Variants in FLACC1 observed in about 807,000 individuals in gnomAD.
FLACC1 encodes flagellum associated containing coiled-coil domains 1, also known as flagellum-associated coiled-coil domain-containing protein 1.
A neutral mutation model predicts 62.8 loss-of-function variants in FLACC1; 66 were observed. The ratio of observed to expected loss-of-function variants is 1.05; its 90% CI spans 0.86 to 1.29. The LOEUF is 1.29. FLACC1 is among the 50% of genes most tolerant of loss of function. The pLI is 0.00. For missense variants in FLACC1, 452 were observed against 489.1 expected (o/e 0.92, Z 0.71); for synonymous variants, 156 against 161.0 (o/e 0.97, Z 0.24).
chr2:201,346,592 A>G lies in FLACC1; in HGVS notation c.318T>C (p.Asp106=), dbSNP rs1335499325. Residue 106 remains aspartate (D), a synonymous_variant, in exon 5 of 15, where the codon GAT becomes GAC. Coordinates refer to ENST00000392257, the MANE Select transcript of FLACC1 (RefSeq NM_001127391.3). The surrounding 1 kb of genome is among the most constrained non-coding windows in gnomAD (Gnocchi z 4.0). Reference sequence around the variant, plus strand: ...TCTCCGATTCCCACCGCTTTTTCCTATCAAACATCTCATCCCCTAAGGTGA... The same window carrying G: ...TCTCCGATTCCCACCGCTTTTTCCTGTCAAACATCTCATCCCCTAAGGTGA... ...ISVTLGDEMF[D]RKKRWESEIP... 4 of 1,614,178 alleles carry G rather than the reference A, an allele frequency of 2.5e-6. No homozygotes were observed. Among genetic ancestry groups the G allele is most frequent in the South Asian group, 2.2e-5 (2 of 91,090 alleles).
At chr2:201,327,807 T>C (rs186029480) in intron 9 of FLACC1, among the ~76,000 whole-genome samples, 106 of 152,266 alleles carry the variant, frequency 7.0e-4, no homozygotes, top group African/African-American at 1.9e-3. Flanking sequence ...TCCCACTACT[T>C]GATCTCTACC....
chr2:201,304,847 T>C (rs1329541022), intron 11 of FLACC1, among the ~76,000 whole-genome samples: 1 of 152,164 alleles, frequency 6.6e-6, no homozygotes, highest in Non-Finnish European at 1.5e-5. Context: ...ACTCCCTATT[T>C]AATAAATGGT....
In FLACC1 at chr2:201,299,172, C is replaced by T. The variant is rs376686644; in HGVS notation, c.942+66G>A. ...ATTATCATTGATTCCATTATACTGA[C>T]AGCTTGTTATTTTATTGGTGTATTT... On this transcript the variant is annotated intron_variant, in intron 12 of 14. Transcript: ENST00000392257. 171 of 1,419,430 alleles carry T rather than the reference C, an allele frequency of 1.2e-4. No individual in the cohort carries two copies. In the African/African-American group the frequency reaches 2.3e-3, roughly 19 times the overall value. The allele number at this position is 1,419,430 out of a possible 1,614,324, so 87.9% of individuals were successfully genotyped here.
intron 7 of FLACC1, among the ~76,000 whole-genome samples, chr2:201,335,258 T>C (rs1163987291): frequency 6.6e-6 from 1 of 150,436 alleles, no homozygotes; most frequent in Non-Finnish European, 1.5e-5. Context: ...TTTATATTGT[T>C]TTTCTAGACT....
the FLACC1 span, among the ~76,000 whole-genome samples, chr2:201,362,839 T>A: frequency 6.6e-6 from 1 of 152,186 alleles, no homozygotes; most frequent in East Asian, 1.9e-4. Flanking sequence ...GAGCACCTGC[T>A]CTGGCTTAGG....
At chr2:201,294,850 A>C (rs1949822932) in intron 12 of FLACC1, among the ~76,000 whole-genome samples, 2 of 152,190 alleles carry the variant, frequency 1.3e-5, no homozygotes, top group South Asian at 4.1e-4. Flanking sequence ...CAATGTGCAA[A>C]AATCACAAGC....
intron 11 of FLACC1, among the ~76,000 whole-genome samples, chr2:201,303,110 A>G (rs1169665636): frequency 6.6e-6 from 1 of 151,312 alleles, no homozygotes; most frequent in African/African-American, 2.4e-5. Context: ...TAGAGACACA[A>G]AAACCCTTCA....
upstream of FLACC1, among the ~76,000 whole-genome samples, chr2:201,359,858 A>T (rs1559428318): frequency 6.6e-6 from 1 of 152,192 alleles, no homozygotes; most frequent in Non-Finnish European, 1.5e-5. Context: ...TCATCTAGAC[A>T]ATCTGTCTCC....
upstream of FLACC1, among the ~76,000 whole-genome samples, chr2:201,357,726 T>A (rs181769459): frequency 1.2e-3 from 184 of 152,272 alleles, no homozygotes; most frequent in African/African-American, 4.3e-3. Context: ...CTTTTTTCCC[T>A]CGAGTTTAAG....
At chr2:201,317,881 C>T (rs1324570049) in intron 9 of FLACC1, among the ~76,000 whole-genome samples, 2 of 152,138 alleles carry the variant, frequency 1.3e-5, no homozygotes, top group Non-Finnish European at 2.9e-5. Context: ...CACCATGGTA[C>T]TGGTATAAAT....
intron 9 of FLACC1, among the ~76,000 whole-genome samples, chr2:201,309,761 G>T (rs1404939613): frequency 1.3e-5 from 2 of 151,562 alleles, no homozygotes; most frequent in African/African-American, 2.4e-5. Flanking sequence ...ACAAAAATTA[G>T]CTGGGCGTGG....
Position 201,346,628 on chromosome 2 carries a change from T to C in FLACC1, c.282A>G (p.Glu94=). The change falls in exon 5 of 15, where the codon GAA becomes GAG. Residue 94 remains glutamate, a synonymous_variant. Transcript: ENST00000392257. This position sits in a 1 kb window ranked among gnomAD's most constrained non-coding sequence, Gnocchi z 4.0. ...CATCCCCTAAGGTGACAGAAATCTG[T>C]TCCCGATTCCGAACAAGTTGATAGC... ...SPGYQLVRNR[E]QISVTLGDEM... is the part of the protein sequence containing the mutation. 6.2e-7 allele frequency: 1 copy of C among 1,614,242 alleles called. No homozygotes were observed. The highest frequency in any genetic ancestry group is 8.5e-7 in the Non-Finnish European group (1 of 1,180,032).
chr2:201,351,063 G>A (rs988010977), intron 2 of FLACC1, among the ~76,000 whole-genome samples: 6 of 152,204 alleles, frequency 3.9e-5, no homozygotes, highest in African/African-American at 1.2e-4. Flanking sequence ...GCACTTTGCC[G>A]TTGCACCAAC....
chr2:201,327,351 A>T (rs181168878), intron 9 of FLACC1, among the ~76,000 whole-genome samples: 1 of 152,216 alleles, frequency 6.6e-6, no homozygotes, highest in African/African-American at 2.4e-5. Flanking sequence ...GCTTCTGTAC[A>T]GCAAAAGAAA....
chr2:201,294,914 C>G (rs955651230), intron 12 of FLACC1, among the ~76,000 whole-genome samples: 2 of 152,168 alleles, frequency 1.3e-5, no homozygotes, highest in African/African-American at 4.8e-5. Context: ...AGTGAACTCC[C>G]ATTCACAATT....
chr2:201,321,487 A>AC (rs1009484878), intron 9 of FLACC1, among the ~76,000 whole-genome samples: 1 of 150,658 alleles, frequency 6.6e-6, no homozygotes, highest in Non-Finnish European at 1.5e-5. Flanking sequence ...CAGACAGACA[A>AC]CCCCCCCACC....
At chr2:201,314,473 C>T (rs1441663621) in intron 9 of FLACC1, among the ~76,000 whole-genome samples, 1 of 151,952 alleles carries the variant, frequency 6.6e-6, no homozygotes, top group African/African-American at 2.4e-5. Flanking sequence ...TTGAATTAAC[C>T]CAATCCAACA....
Position 201,289,791 on chromosome 2 carries a change from TAAG to T in FLACC1, c.943-9_943-7del. The T allele has an allele frequency of 6.2e-7, 1 of 1,614,210 alleles. No individual in the cohort carries two copies. The highest frequency in any genetic ancestry group is 8.5e-7 in the Non-Finnish European group (1 of 1,180,020). ...TGCAATTCTTCCTGCATGACCTGCA[TAAG>T]AAGAAGCTGTTGCAGGACATCATGC... On this transcript the variant is annotated splice_polypyrimidine_tract_variant and splice_region_variant and intron_variant, in intron 12 of 14. Transcript: ENST00000392257.
intron 9 of FLACC1, among the ~76,000 whole-genome samples, chr2:201,321,585 C>T (rs1312488227): frequency 6.6e-6 from 1 of 152,178 alleles, no homozygotes; most frequent in Admixed American, 6.5e-5. Context: ...TGGAAGACAT[C>T]AGGGTGACTG....
Sources: gnomAD v4.1 joint callset for allele counts (sites outside exome capture counted in the v4.1 genomes callset) on GRCh38, gnomAD v4.1.1 for gene constraint, Gnocchi (gnomAD v3.1) non-coding constraint, MANE v1.5 for transcripts, NCBI Gene and HGNC (gene_info 2026-07-23, HGNC 2026-07-21) for gene names.